Variants in ABCA4 observed in about 807,000 individuals in gnomAD.
ABCA4 encodes the protein ATP binding cassette subfamily A member 4, also known as retinal-specific phospholipid-transporting ATPase ABCA4.
Under a neutral mutation model 263.7 loss-of-function variants are expected in ABCA4, and 196 were observed. The observed-to-expected ratio is 0.74, with a 90% CI of 0.66 to 0.84. ABCA4 has a LOEUF of 0.84. Ranked by LOEUF, ABCA4 falls within the 40% of genes least tolerant of loss-of-function variation. The pLI is 0.00. For synonymous variants in ABCA4, 1,133 were observed against 1,094.2 expected (o/e 1.04, Z -0.70); for missense variants, 2,792 against 2,855.1 (o/e 0.98, Z 0.50).
intron 19 of ABCA4, 97 bp downstream of exon 19, chr1:94,046,822 A>C (rs1232862959): frequency 4.7e-6 from 7 of 1,483,746 alleles, no homozygotes; most frequent in East Asian, 4.6e-5. Flanking sequence ...TTGTCACTAA[A>C]ATTTGTGGGA....
chr1:94,055,862 G>A (rs1557784386), intron 15 of ABCA4, among the ~76,000 whole-genome samples: 1 of 152,254 alleles, frequency 6.6e-6, no homozygotes, highest in Non-Finnish European at 1.5e-5. Context: ...TTTTCCCAGT[G>A]AGGGCAGGTG....
In ABCA4 at chr1:94,059,246, G is replaced by A. The variant is rs891410021; in HGVS notation, c.2160+1291C>T. On this transcript the variant is annotated intron_variant, in intron 14 of 49. Coordinates refer to ENST00000370225, the MANE Select transcript of ABCA4 (RefSeq NM_000350.3). ...GGAAAAGAAGCAGACTGAGGGATGG[G>A]AAAGAACAAGGGAAACCTAGATAAG... 2.6e-5 allele frequency among the ~76,000 whole-genome samples: 4 copies of A among 152,292 alleles called. No individual in the cohort carries two copies. The East Asian group carries it at 7.7e-4, about 29-fold the overall frequency.
Position 94,055,309 on chromosome 1 carries a change from G to A in ABCA4, c.2389C>T (p.Leu797=). 6.2e-7 allele frequency: 1 copy of A among 1,614,072 alleles called. No individual in the cohort carries two copies. Among genetic ancestry groups the A allele is most frequent in the Non-Finnish European group, 8.5e-7 (1 of 1,180,016 alleles). ...TAELKKAVSL[L]SPVAFGFGTE... is the part of the protein sequence containing the mutation. ...CCAAATCCAAATGCCACCGGAGACA[G>A]TAAGCTCTGCAGTGAGGCGGAGAGG... Residue 797 remains leucine (L), a synonymous_variant, in exon 16 of 50, where the codon CTG becomes TTG. Transcript: ENST00000370225.
intron 11 of ABCA4, among the ~76,000 whole-genome samples, chr1:94,074,916 G>A (rs977754841): frequency 2.6e-5 from 4 of 152,156 alleles, no homozygotes; most frequent in African/African-American, 9.7e-5. Context: ...CAATCCAAAT[G>A]CCCATCAGTG....
intron 42 of ABCA4, 69 bp from the exon 43 acceptor site, chr1:94,007,809 A>G (rs1327984538): frequency 4.2e-6 from 6 of 1,441,708 alleles, no homozygotes; most frequent in South Asian, 1.1e-5. Context: ...GCCCCAGGGT[A>G]AGTGTGTGTG....
Position 94,042,876 on chromosome 1 carries a change from C to T in ABCA4, c.3213G>A (p.Ser1071=), listed in dbSNP as rs141233353. ...DLSGGMQRKL[S]VAIAFVGDAK... ...CATCTCCCACAAAGGCAATGGCAAC[C>T]GACAGCTTTCTCTGCATGCCACCTG... Residue 1071 remains serine, a synonymous_variant, in exon 22 of 50, where the codon TCG becomes TCA. Transcript: ENST00000370225. 170 of 1,614,188 alleles carry T rather than the reference C, an allele frequency of 1.1e-4. No individual in the cohort carries two copies. The highest frequency in any genetic ancestry group is 8.2e-4 in the East Asian group (37 of 44,876).
At chr1:94,020,611 G>A (rs1446101614) in intron 35 of ABCA4, among the ~76,000 whole-genome samples, 2 of 152,212 alleles carry the variant, frequency 1.3e-5, no homozygotes, top group Non-Finnish European at 1.5e-5. Context: ...AGGTTTTAGT[G>A]GATGACCCTG....
intron 26 of ABCA4, among the ~76,000 whole-genome samples, chr1:94,033,002 G>A (rs1660246161): frequency 6.6e-6 from 1 of 152,232 alleles, no homozygotes; most frequent in African/African-American, 2.4e-5. Context: ...AGAGGATACT[G>A]AGAAGTGGTA....
intron 5 of ABCA4, among the ~76,000 whole-genome samples, chr1:94,102,542 C>T (rs1049702685): frequency 2.6e-5 from 4 of 151,946 alleles, no homozygotes; most frequent in African/African-American, 9.7e-5. Context: ...CCGGATTTTC[C>T]TTGCAGCACC....
chr1:94,008,388 G>A, intron 41 of ABCA4, 91 bp from the exon 42 acceptor site: 1 of 1,311,154 alleles, frequency 7.6e-7, no homozygotes, highest in Non-Finnish European at 1.1e-6. Context: ...TGGTTTAGGA[G>A]AAAACTACCA....
rs776687457 is a variant in ABCA4, at chr1:94,019,688, A to C, written c.5090T>G (p.Phe1697Cys). Residue 1697 changes from phenylalanine (F) to cysteine (C), a missense_variant, in exon 36 of 50, where the codon TTT becomes TGT. Phe to Cys is a radical substitution (Grantham distance 205). Transcript: ENST00000370225. ...CCGCTCCTGGATCAAATAAAGGACAAAGCTGGCTGGGACGAAGGACATGGA... is the reference window on the plus strand; with the variant it reads ...CCGCTCCTGGATCAAATAAAGGACACAGCTGGCTGGGACGAAGGACATGGA... ...IFSMSFVPASFVLYLIQERVN... is the reference protein window; with the variant it reads ...IFSMSFVPASCVLYLIQERVN... The C allele has an allele frequency of 4.3e-6, 7 of 1,613,850 alleles. No homozygotes were observed. The highest frequency in any genetic ancestry group is 5.9e-6 in the Non-Finnish European group (7 of 1,179,890).
At chr1:94,117,824 C>A (rs1165262105) in intron 1 of ABCA4, among the ~76,000 whole-genome samples, 4 of 152,166 alleles carry the variant, frequency 2.6e-5, no homozygotes, top group Non-Finnish European at 4.4e-5. Flanking sequence ...GTTCTGAACT[C>A]CATGAAGGCA....
At position 94,078,667 on chromosome 1, in the gene ABCA4, A is replaced by G; in HGVS notation, c.1279T>C (p.Leu427=). ...TFEELEHVRK[L]VKAWEEVGPQ... Reference sequence around the variant, plus strand: ...CCTACTTCTTCCCAGGCTTTGACCAACTTCCTAACGTGTTCCAGTTCTTCA... The same window carrying G: ...CCTACTTCTTCCCAGGCTTTGACCAGCTTCCTAACGTGTTCCAGTTCTTCA... Residue 427 remains leucine, a synonymous_variant, in exon 10 of 50, where the codon TTG becomes CTG. Transcript: ENST00000370225. 1.2e-6 allele frequency: 2 copies of G among 1,612,882 alleles called. No homozygotes were observed. The highest frequency in any genetic ancestry group is 2.2e-5 in the South Asian group (2 of 91,038).
intron 11 of ABCA4, among the ~76,000 whole-genome samples, chr1:94,073,797 T>A (rs1017091411): frequency 6.6e-6 from 1 of 151,338 alleles, no homozygotes; most frequent in African/African-American, 2.4e-5. Flanking sequence ...TATGTCACGA[T>A]ACGAATGTCA....
intron 5 of ABCA4, among the ~76,000 whole-genome samples, chr1:94,101,150 T>C (rs766717308): frequency 2.0e-5 from 3 of 152,268 alleles, no homozygotes; most frequent in Non-Finnish European, 4.4e-5. Context: ...AGAAGCACAG[T>C]ACTAGAGATC....
chr1:94,076,599 C>A (rs1661543702), intron 11 of ABCA4, among the ~76,000 whole-genome samples: 1 of 152,200 alleles, frequency 6.6e-6, no homozygotes, highest in Non-Finnish European at 1.5e-5. Context: ...GGCCAGGTAG[C>A]AGAGTTGAGC....
chr1:94,083,375 C>T lies in ABCA4; in HGVS notation c.835G>A (p.Asp279Asn), dbSNP rs1435664229. Residue 279 changes from aspartate (D) to asparagine (N), a missense_variant, in exon 7 of 50, where the codon GAT becomes AAT. Asp to Asn is a conservative substitution (Grantham distance 23). Coordinates refer to ENST00000370225, the MANE Select transcript of ABCA4 (RefSeq NM_000350.3). ...ACCTCTTGAATTCTTGGTGACATAT[C>T]AGATAATATTCCTCCCCAAGATCTC... is the stretch of plus-strand genomic sequence containing the variant. Reference protein sequence around the residue: ...NLRSWGGILSDMSPRIQEFIH... With the variant: ...NLRSWGGILSNMSPRIQEFIH... 1.9e-6 allele frequency: 3 copies of T among 1,612,892 alleles called. No individual in the cohort carries two copies. Among genetic ancestry groups the T allele is most frequent in the East Asian group, 2.2e-5 (1 of 44,860 alleles).
chr1:94,037,793 G>A (rs1440602349), intron 24 of ABCA4, among the ~76,000 whole-genome samples: 1 of 152,166 alleles, frequency 6.6e-6, no homozygotes, highest in African/African-American at 2.4e-5. Flanking sequence ...ACTACACAAA[G>A]CAGTTAGAGA....
chr1:93,996,173 T>C lies in ABCA4; in HGVS notation c.6752A>G (p.Gln2251Arg). 1 of 1,614,020 alleles carries C rather than the reference T, an allele frequency of 6.2e-7. No individual in the cohort carries two copies. The highest frequency in any genetic ancestry group is 8.5e-7 in the Non-Finnish European group (1 of 1,180,024). ...LDQVFVNFAK[Q>R]QTESHDLPLH... Reference sequence around the variant, plus strand: ...AGGGAGGTCATGACTTTCAGTCTGCTGTTTAGCAAAATTTACAAACACCTA... The same window carrying C: ...AGGGAGGTCATGACTTTCAGTCTGCCGTTTAGCAAAATTTACAAACACCTA... Residue 2251 changes from glutamine (Q) to arginine (R), a missense_variant, in exon 49 of 50, where the codon CAG (glutamine) becomes CGG (arginine). Transcript: ENST00000370225.
Sources: allele counts gnomAD v4.1 joint callset (sites outside exome capture counted in the v4.1 genomes callset), GRCh38; gene constraint gnomAD v4.1.1; transcripts MANE v1.5; gene names NCBI Gene and HGNC (gene_info 2026-07-23, HGNC 2026-07-21).